Variants in SH3PXD2A observed in about 807,000 individuals in gnomAD.
SH3PXD2A encodes the protein SH3 and PX domain-containing protein 2A.
SH3PXD2A carries 32 observed loss-of-function variants against 115.2 expected under a neutral mutation model. The observed-to-expected ratio is 0.28, with a 90% CI of 0.21 to 0.37. The LOEUF (loss-of-function observed/expected upper bound fraction) is 0.37. Among genes scored for constraint, SH3PXD2A ranks in the 10% least tolerant of loss-of-function variants. The probability of loss-of-function intolerance (pLI) is 1.00; values close to 1 mark genes in which losing one functional copy is unlikely to be tolerated. For synonymous variants in SH3PXD2A, 610 were observed against 629.1 expected (o/e 0.97, Z 0.45); for missense variants, 1,328 against 1,498.7 (o/e 0.89, Z 1.88).
intron 1 of SH3PXD2A, among the ~76,000 whole-genome samples, chr10:103,837,253 TA>T (rs1255908512): frequency 2.0e-5 from 3 of 152,222 alleles, no homozygotes; most frequent in Non-Finnish European, 2.9e-5. Context: ...GAGAAACCCA[TA>T]AACCTCCAGA....
intron 11 of SH3PXD2A, among the ~76,000 whole-genome samples, chr10:103,616,975 T>C (rs2036528079): frequency 6.6e-6 from 1 of 152,302 alleles, no homozygotes; most frequent in African/African-American, 2.4e-5. Context: ...CCCCGCTGGC[T>C]GTGGCTCAAG....
At chr10:103,813,499 G>A (rs947122108) in intron 1 of SH3PXD2A, among the ~76,000 whole-genome samples, 2 of 151,896 alleles carry the variant, frequency 1.3e-5, no homozygotes, top group African/African-American at 4.8e-5. Flanking sequence ...TAATTTTTTT[G>A]TAGAGATGGG....
intron 13 of SH3PXD2A, among the ~76,000 whole-genome samples, chr10:103,607,693 G>A (rs907760347): frequency 2.0e-5 from 3 of 152,250 alleles, no homozygotes; most frequent in African/African-American, 7.2e-5. Flanking sequence ...GACAATGGCG[G>A]TTTTGTGGAA....
intron 4 of SH3PXD2A, among the ~76,000 whole-genome samples, chr10:103,731,140 A>G: frequency 6.9e-6 from 1 of 144,056 alleles, no homozygotes; most frequent in Non-Finnish European, 1.5e-5. Context: ...GGGCAGCAGG[A>G]CTCCTCTGAA....
In SH3PXD2A at chr10:103,601,137, T is replaced by G. The variant is rs1191791441; in HGVS notation, c.*679A>C. Reference sequence around the variant, plus strand: ...GGTGCCCCACGGAGAGCGGGCTCTCTTCTCAAGGCCAAGACAGTGACAGTT... The same window carrying G: ...GGTGCCCCACGGAGAGCGGGCTCTCGTCTCAAGGCCAAGACAGTGACAGTT... On this transcript the variant is annotated 3_prime_UTR_variant, in exon 15 of 15. Coordinates refer to ENST00000369774, the MANE Select transcript of SH3PXD2A (RefSeq NM_001394015.1). 6.6e-6 allele frequency: 1 copy of G among 152,150 alleles called. No individual in the cohort carries two copies. The highest frequency in any genetic ancestry group is 1.9e-4 in the East Asian group (1 of 5,188). 9.4% of individuals were successfully genotyped at this position (152,150 alleles called of 1,614,324 possible). A position where few individuals can be genotyped will look rare whatever the true frequency, so the allele number is the denominator to read the frequency against.
In SH3PXD2A at chr10:103,720,362, C is replaced by A. The variant is rs565790136; in HGVS notation, c.398+3908G>T. On this transcript the variant is annotated intron_variant, in intron 5 of 14. Transcript: ENST00000369774. ...GGCCAGTGGTCTGGAAGAGCAACCA[C>A]TAACTGACCGGAGATGGGTCTGGCT... Among the ~76,000 whole-genome samples, 4 of 152,364 alleles carry A rather than the reference C, an allele frequency of 2.6e-5. No homozygotes were observed. The South Asian group carries it at 8.3e-4, about 32-fold the overall frequency.
At chr10:103,827,092 A>G (rs539329291) in intron 1 of SH3PXD2A, among the ~76,000 whole-genome samples, 84 of 152,226 alleles carry the variant, frequency 5.5e-4, no homozygotes, top group African/African-American at 1.9e-3. Context: ...ATTGCAGATG[A>G]CCACATTGAA....
intron 10 of SH3PXD2A, among the ~76,000 whole-genome samples, chr10:103,618,612 C>G (rs1398205312): frequency 6.6e-6 from 1 of 152,234 alleles, no homozygotes; most frequent in African/African-American, 2.4e-5. Context: ...GGGGCTGAGA[C>G]AGTGCCTGGC....
At chr10:103,806,117 C>T (rs1481940943) in intron 1 of SH3PXD2A, among the ~76,000 whole-genome samples, 1 of 152,176 alleles carries the variant, frequency 6.6e-6, no homozygotes, top group Non-Finnish European at 1.5e-5. Flanking sequence ...CCCTGAGCAG[C>T]CATGAATGTG....
At chr10:103,754,893 C>T (rs1418658250) in intron 3 of SH3PXD2A, 1 of 152,164 alleles carries the variant, frequency 6.6e-6, no homozygotes, top group Non-Finnish European at 1.5e-5. Flanking sequence ...CTGAACGTAA[C>T]CAAGCACCAA....
intron 2 of SH3PXD2A, among the ~76,000 whole-genome samples, chr10:103,782,873 G>A (rs2038944752): frequency 6.7e-6 from 1 of 148,614 alleles, no homozygotes; most frequent in South Asian, 2.1e-4. Context: ...TGTAATAAGT[G>A]TTTTGAAGAC....
intron 1 of SH3PXD2A, among the ~76,000 whole-genome samples, chr10:103,814,767 A>G (rs1056502373): frequency 4.6e-5 from 7 of 152,186 alleles, no homozygotes; most frequent in African/African-American, 1.4e-4. Flanking sequence ...GCTAGGTGCT[A>G]GAAACGAAGG....
intron 1 of SH3PXD2A, among the ~76,000 whole-genome samples, chr10:103,839,486 C>G (rs114080697): frequency 6.6e-6 from 1 of 152,168 alleles, no homozygotes; most frequent in Non-Finnish European, 1.5e-5. Flanking sequence ...CCGTGCCATC[C>G]TCATCACCAG....
Position 103,774,440 on chromosome 10 carries a change from G to A in SH3PXD2A, c.154-7271C>T, listed in dbSNP as rs534264220. Among the ~76,000 whole-genome samples, 6 of 152,110 alleles carry A rather than the reference G, an allele frequency of 3.9e-5. No homozygotes were observed. In the South Asian group the frequency reaches 8.3e-4, roughly 21 times the overall value. ...TATAGTTTCCATTTCTCTACTATCT[G>A]CTTAATCATTAAATCCATATTTTCC... On this transcript the variant is annotated intron_variant, in intron 2 of 14. Coordinates refer to ENST00000369774, the MANE Select transcript of SH3PXD2A (RefSeq NM_001394015.1).
At chr10:103,606,222 T>TCATC (rs759592763) in intron 13 of SH3PXD2A, among the ~76,000 whole-genome samples, 37 of 142,148 alleles carry the variant, frequency 2.6e-4, no homozygotes, top group Non-Finnish European at 3.6e-4. Flanking sequence ...TCATCATCAT[T>TCATC]ACTCTGAGAT....
Position 103,613,088 on chromosome 10 carries a change from A to G in SH3PXD2A, c.1023T>C (p.Ile341=), listed in dbSNP as rs1175381345. 1 of 1,614,182 alleles carries G rather than the reference A, an allele frequency of 6.2e-7. No homozygotes were observed. The highest frequency in any genetic ancestry group is 1.7e-4 in the Middle Eastern group (1 of 6,060). ...GGTTGCTGATCTCCATGATGTTCCC[A>G]ATGATCTCCACTGGGCCGGCCAGGT... ...KKNLAGPVEI[I]GNIMEISNLL... Residue 341 remains isoleucine, a synonymous_variant, in exon 12 of 15, where the codon ATT becomes ATC. Transcript: ENST00000369774.
At chr10:103,855,102 C>G in intron 1 of SH3PXD2A, 93 bp downstream of exon 1, 1 of 826,692 alleles carries the variant, frequency 1.2e-6, no homozygotes. Context: ...CGCTTAGCTT[C>G]GCGACCTCAC....
rs1432582889 is a variant in SH3PXD2A, at chr10:103,855,392, T to C, written c.-126A>G. ...CACCCCGGCCCGGCGCGCCGAACGCTGCCCGGACTCCCGGCGCCCACAGGT... is the reference window on the plus strand; with the variant it reads ...CACCCCGGCCCGGCGCGCCGAACGCCGCCCGGACTCCCGGCGCCCACAGGT... On this transcript the variant is annotated 5_prime_UTR_variant, in exon 1 of 15. Transcript: ENST00000369774. 6.4e-6 allele frequency: 4 copies of C among 623,166 alleles called. No individual in the cohort carries two copies. The highest frequency in any genetic ancestry group is 9.9e-6 in the Non-Finnish European group (4 of 405,090). The allele number at this position is 623,166 out of a possible 1,614,324, so 38.6% of individuals were successfully genotyped here.
chr10:103,611,467 C>G, intron 13 of SH3PXD2A, 114 bp downstream of exon 13: 1 of 977,796 alleles, frequency 1.0e-6, no homozygotes, highest in African/African-American at 1.6e-5. Context: ...CCCAGCAGGG[C>G]TCTGGAAAAC....
Sources: allele counts gnomAD v4.1 joint callset (sites outside exome capture counted in the v4.1 genomes callset), GRCh38; gene constraint gnomAD v4.1.1; transcripts MANE v1.5; gene names NCBI Gene and HGNC (gene_info 2026-07-23, HGNC 2026-07-21).